The following DAB1 variants were observed in gnomAD, a reference collection of about 807,000 sequenced individuals.
DAB1 encodes the protein DAB adaptor protein 1.
In DAB1, 15 loss-of-function variants were observed where a neutral mutation model predicts 64.6. The ratio of observed to expected loss-of-function variants is 0.23; its 90% CI spans 0.16 to 0.36. DAB1 has a LOEUF of 0.36. Among genes scored for constraint, DAB1 ranks in the 10% least tolerant of loss-of-function variants. The probability of loss-of-function intolerance (pLI) is 1.00; values close to 1 mark genes in which losing one functional copy is unlikely to be tolerated. For synonymous variants in DAB1, 235 were observed against 251.9 expected (o/e 0.93, Z 0.64); for missense variants, 596 against 706.7 (o/e 0.84, Z 1.78).
chr1:57,094,890 G>C (rs1054494447), intron 4 of DAB1, among the ~76,000 whole-genome samples: 1 of 152,044 alleles, frequency 6.6e-6, no homozygotes, highest in African/African-American at 2.4e-5. Flanking sequence ...ATCTAGTCAT[G>C]CCCTACCTCT....
At chr1:57,227,519 TTGTGTGTGTG>T (rs57671970) in intron 2 of DAB1, among the ~76,000 whole-genome samples, 6,103 of 135,784 alleles carry the variant, frequency 0.045, 440 homozygotes, top group African/African-American at 0.16. Context: ...TTTTTTTCTT[TTGTGTGTGTG>T]TGTGTGTGTG....
intron 5 of DAB1, among the ~76,000 whole-genome samples, chr1:57,981,599 G>T (rs1484209443): frequency 6.6e-6 from 1 of 152,086 alleles, no homozygotes; most frequent in South Asian, 2.1e-4. Flanking sequence ...GTGTATAGGG[G>T]GTTGTAATCT....
chr1:57,563,490 G>A (rs2263445), intron 7 of DAB1, among the ~76,000 whole-genome samples: 37,962 of 152,008 alleles, frequency 0.25, 5,084 homozygotes, highest in South Asian at 0.41. Context: ...GCAGGGTGAG[G>A]CATTACCTCA....
intron 6 of DAB1, among the ~76,000 whole-genome samples, chr1:57,727,950 G>T (rs1240548102): frequency 2.0e-5 from 3 of 152,296 alleles, no homozygotes; most frequent in African/African-American, 7.2e-5. Context: ...GGAGGAGGGT[G>T]TCAGACAGAT....
chr1:58,536,447 T>A, intron 1 of DAB1: 1 of 738,140 alleles, frequency 1.4e-6, no homozygotes, highest in Non-Finnish European at 2.4e-6. Context: ...CTTTCACATT[T>A]AAGATACTTT....
chr1:57,248,386 T>A (rs1669055927), intron 2 of DAB1, among the ~76,000 whole-genome samples: 1 of 152,172 alleles, frequency 6.6e-6, no homozygotes, highest in Non-Finnish European at 1.5e-5. Context: ...TACTCTAACA[T>A]AACTGCACAC....
chr1:57,728,272 A>G (rs770705822), intron 6 of DAB1, among the ~76,000 whole-genome samples: 3 of 152,146 alleles, frequency 2.0e-5, no homozygotes, highest in Non-Finnish European at 2.9e-5. Context: ...CTTAGCAAAT[A>G]CAATATTGGA....
intron 5 of DAB1, among the ~76,000 whole-genome samples, chr1:58,059,130 C>T (rs972652973): frequency 6.6e-6 from 1 of 152,214 alleles, no homozygotes; most frequent in African/African-American, 2.4e-5. Context: ...TGTCCTGCCT[C>T]TTAGCATGGG....
At chr1:57,003,924 A>C (rs1239135331) in intron 14 of DAB1, among the ~76,000 whole-genome samples, 1 of 152,112 alleles carries the variant, frequency 6.6e-6, no homozygotes, top group African/African-American at 2.4e-5. Context: ...TCCCTATCTC[A>C]GTGCCAGCTC....
intron 6 of DAB1, among the ~76,000 whole-genome samples, chr1:57,695,855 G>A (rs1646838264): frequency 6.6e-6 from 1 of 152,072 alleles, no homozygotes; most frequent in African/African-American, 2.4e-5. Context: ...AGCTGAGATG[G>A]TGCCACTGCA....
chr1:57,048,911 T>C (rs1019751284), intron 9 of DAB1, among the ~76,000 whole-genome samples: 1 of 152,202 alleles, frequency 6.6e-6, no homozygotes, highest in Non-Finnish European at 1.5e-5. Flanking sequence ...AGCAGGCAAC[T>C]GCATATGCGA....
intron 2 of DAB1, among the ~76,000 whole-genome samples, chr1:57,282,791 A>G (rs1166550667): frequency 1.3e-5 from 2 of 152,162 alleles, no homozygotes; most frequent in Admixed American, 6.5e-5. Context: ...TTATAATTAA[A>G]TCCTTGGTTT....
Position 57,378,928 on chromosome 1 carries a change from C to T in DAB1, c.-137+45002G>A, listed in dbSNP as rs552849220. Among the ~76,000 whole-genome samples the T allele has an allele frequency of 3.9e-5, 6 of 152,312 alleles. No individual in the cohort carries two copies. The South Asian group carries it at 1.2e-3, about 32-fold the overall frequency. ...CATTTCCTACCTTTGATTAGCTTCT[C>T]TTCTAAAGTAAATTAATTGTAGTGG... On this transcript the variant is annotated intron_variant, in intron 1 of 14. Coordinates refer to ENST00000371236, the MANE Select transcript of DAB1 (RefSeq NM_001365792.1).
At chr1:57,645,899 T>C (rs1005841808) in intron 7 of DAB1, among the ~76,000 whole-genome samples, 1 of 152,206 alleles carries the variant, frequency 6.6e-6, no homozygotes, top group Non-Finnish European at 1.5e-5. Flanking sequence ...CCTGGATATC[T>C]AGAATCTCCT....
intron 1 of DAB1, among the ~76,000 whole-genome samples, chr1:58,545,302 G>A (rs1311562762): frequency 1.3e-5 from 2 of 152,166 alleles, no homozygotes; most frequent in Non-Finnish European, 2.9e-5. Context: ...TATTGACACA[G>A]AAGGTATAAG....
chr1:57,349,586 A>T (rs746842387), intron 1 of DAB1, among the ~76,000 whole-genome samples: 2 of 152,320 alleles, frequency 1.3e-5, no homozygotes, highest in African/African-American at 2.4e-5. Context: ...CCATGAATGC[A>T]CAAACTATCA....
chr1:57,472,711 G>C (rs1194968049), intron 7 of DAB1, among the ~76,000 whole-genome samples: 3 of 152,102 alleles, frequency 2.0e-5, no homozygotes, highest in African/African-American at 7.2e-5. Context: ...CTCACCCAGG[G>C]AGCTTGGCTC....
Position 57,072,284 on chromosome 1 carries a change from G to T in DAB1, c.437C>A (p.Ala146Glu), listed in dbSNP as rs377691560. 1 of 1,613,242 alleles carries T rather than the reference G, an allele frequency of 6.2e-7. No homozygotes were observed. Among genetic ancestry groups the T allele is most frequent in the South Asian group, 1.1e-5 (1 of 91,046 alleles). ...HRFVAIKTAQ[A>E]AEPVILDLRD... ...CCCTTCTTGGATAGGGATACTCACC[G>T]CCTGGGCTGTTTTTATGGCCACAAA... The change falls in exon 5 of 15, where the codon GCG (alanine) becomes GAG (glutamate). Residue 146 changes from alanine to glutamate, a missense_variant and splice_region_variant. Ala to Glu is a moderately radical substitution (Grantham distance 107). This residue lies in a region of DAB1 where 176 missense variants were observed against 266.7 expected (regional missense o/e 0.66). Transcript: ENST00000371236.
chr1:57,631,419 G>A (rs957334872), intron 7 of DAB1, among the ~76,000 whole-genome samples: 8 of 152,008 alleles, frequency 5.3e-5, no homozygotes, highest in African/African-American at 1.9e-4. Context: ...TTTTTAATTA[G>A]CACATTTTAA....
Sources: gnomAD v4.1 joint callset for allele counts (sites outside exome capture counted in the v4.1 genomes callset) on GRCh38, gnomAD v4.1.1 for gene constraint, gnomAD v4.1.1 regional missense constraint, MANE v1.5 for transcripts, NCBI Gene and HGNC (gene_info 2026-07-23, HGNC 2026-07-21) for gene names.